ITGB1BP2: variants seen among roughly 807,000 people sequenced by gnomAD.
ITGB1BP2 encodes integrin subunit beta 1 binding protein 2, also known as integrin beta-1-binding protein 2.
ITGB1BP2 carries 27 observed loss-of-function variants against 32.2 expected under a neutral mutation model. The ratio of observed to expected loss-of-function variants is 0.84; its 90% CI spans 0.62 to 1.16. ITGB1BP2 has a LOEUF of 1.16. ITGB1BP2 is among the 50% of genes most tolerant of loss of function. The pLI is 0.00. For synonymous variants in ITGB1BP2, 105 were observed against 94.7 expected, an observed-to-expected ratio of 1.11 and a Z score of -0.63; for missense variants, 250 against 267.3, an observed-to-expected ratio of 0.94 and a Z score of 0.45.
intron 4 of ITGB1BP2, 41 bp downstream of exon 4, chrX:71,302,597 T>C: frequency 8.6e-7 from 1 of 1,156,455 alleles, no homozygotes; most frequent in Non-Finnish European, 1.2e-6. Context: ...TATTTTCATG[T>C]AGCTTCCTAG....
chrX:71,304,034 C>A, intron 8 of ITGB1BP2, 123 bp downstream of exon 8: 1 of 720,134 alleles, frequency 1.4e-6, no homozygotes, highest in African/African-American at 2.1e-5. Flanking sequence ...AAATAAGATT[C>A]TGCTCCTTAT....
At chrX:71,304,465 C>A in intron 9 of ITGB1BP2, 77 bp from the exon 10 acceptor site, 4 of 1,037,269 alleles carry the variant, frequency 3.9e-6, no homozygotes, top group Non-Finnish European at 5.4e-6. Context: ...GATCATACCT[C>A]TGACCTGGTT....
rs141038462 is a variant in ITGB1BP2 at position 71,304,973 on chromosome X, C to T, written c.825C>T (p.Asn275=). The T allele has an allele frequency of 4.1e-6, 5 of 1,206,883 alleles. No individual in the cohort carries two copies. The highest frequency in any genetic ancestry group is 3.0e-5 in the East Asian group (1 of 33,845). Reference sequence around the variant, plus strand: ...CCTTTGCTCCTCCTCAGGTCATAAACGTGGAGCAGAGCTCTGTCTTCTTGA... The same window carrying T: ...CCTTTGCTCCTCCTCAGGTCATAAATGTGGAGCAGAGCTCTGTCTTCTTGA... ...QAQMKLWGVI[N]VEQSSVFLMP... The change falls in exon 11 of 11, where the codon AAC becomes AAT. Residue 275 remains asparagine, a synonymous_variant. Transcript: ENST00000373829.
chrX:71,304,822 C>G (rs2031670431), intron 10 of ITGB1BP2, 143 bp from the exon 11 acceptor site: 6 of 501,182 alleles, frequency 1.2e-5, no homozygotes, highest in Non-Finnish European at 2.0e-5. Context: ...TCCTCTCTCT[C>G]CCTTATTGTC....
intron 9 of ITGB1BP2, 103 bp downstream of exon 9, chrX:71,304,403 A>G: frequency 1.2e-6 from 1 of 860,548 alleles, no homozygotes; most frequent in East Asian, 3.2e-5. Flanking sequence ...GCTCCATAGT[A>G]CCCTTAGAGG....
intron 8 of ITGB1BP2, 37 bp from the exon 9 acceptor site, chrX:71,304,150 T>A (rs2031659664): frequency 9.5e-7 from 1 of 1,057,961 alleles, no homozygotes; most frequent in Non-Finnish European, 1.3e-6. Context: ...AGTTAAGAAT[T>A]TATTCTTACC....
chrX:71,304,500 CCTT>C (rs2031665060), intron 9 of ITGB1BP2, 39 bp from the exon 10 acceptor site: 3 of 1,155,026 alleles, frequency 2.6e-6, no homozygotes, highest in Non-Finnish European at 3.5e-6. Flanking sequence ...CCTATTCTGA[CCTT>C]CTGGGTTTGT....
chrX:71,304,622 G>A lies in ITGB1BP2; in HGVS notation c.816+18G>A, dbSNP rs2031667402. The A allele has an allele frequency of 5.9e-6, 7 of 1,181,899 alleles. No homozygotes were observed. The highest frequency in any genetic ancestry group is 6.9e-6 in the Non-Finnish European group (6 of 872,100). ...TCTGGGGGGTAAGTGAAGACCAGGG[G>A]ACACAAGAGTGGGAGGCAGATGGGT... is the stretch of plus-strand genomic sequence containing the variant. On this transcript the variant is annotated intron_variant, in intron 10 of 10. Coordinates refer to ENST00000373829, the MANE Select transcript of ITGB1BP2 (RefSeq NM_012278.4).
Position 71,303,622 on chromosome X carries a change from C to T in ITGB1BP2, c.469-5C>T, listed in dbSNP as rs1363517517. Reference sequence around the variant, plus strand: ...AATGACCTGGTTCTACTTTATCCTTCTTAGGTTTACCAAGGCCCTGAGAGT... The same window carrying T: ...AATGACCTGGTTCTACTTTATCCTTTTTAGGTTTACCAAGGCCCTGAGAGT... On this transcript the variant is annotated splice_polypyrimidine_tract_variant and splice_region_variant and intron_variant, in intron 6 of 10. Transcript: ENST00000373829. 2 of 1,209,997 alleles carry T rather than the reference C, an allele frequency of 1.7e-6. No individual in the cohort carries two copies. The highest frequency in any genetic ancestry group is 3.5e-5 in the South Asian group (2 of 56,902).
rs1322044357 is a variant in ITGB1BP2 at position 71,304,563 on chromosome X, G to A, written c.775G>A (p.Asp259Asn). The change falls in exon 10 of 11, where the codon GAT (aspartate) becomes AAT (asparagine). Residue 259 changes from aspartate (D) to asparagine (N), a missense_variant. Transcript: ENST00000373829. Reference sequence around the variant, plus strand: ...TCAGCTTCATGTCCACATTGTCTTTGATGGTAACCGTGTGTTCCAAGCACA... The same window carrying A: ...TCAGCTTCATGTCCACATTGTCTTTAATGGTAACCGTGTGTTCCAAGCACA... ...QTELHVHIVF[D>N]GNRVFQAQMK... The A allele has an allele frequency of 2.5e-6, 3 of 1,208,541 alleles. No homozygotes were observed. The highest frequency in any genetic ancestry group is 2.2e-5 in the Admixed American group (1 of 45,757).
chrX:71,304,573 G>A lies in ITGB1BP2; in HGVS notation c.785G>A (p.Arg262His), dbSNP rs752791241. 7.5e-6 allele frequency: 9 copies of A among 1,205,898 alleles called. No individual in the cohort carries two copies. Among genetic ancestry groups the A allele is most frequent in the South Asian group, 3.6e-5 (2 of 56,258 alleles). Reference protein sequence around the residue: ...LHVHIVFDGNRVFQAQMKLWG... With the variant: ...LHVHIVFDGNHVFQAQMKLWG... Reference sequence around the variant, plus strand: ...GTCCACATTGTCTTTGATGGTAACCGTGTGTTCCAAGCACAGATGAAGCTC... The same window carrying A: ...GTCCACATTGTCTTTGATGGTAACCATGTGTTCCAAGCACAGATGAAGCTC... The change falls in exon 10 of 11, where the codon CGT (arginine) becomes CAT (histidine). Residue 262 changes from arginine to histidine, a missense_variant. Transcript: ENST00000373829.
rs1602394720 is a variant in ITGB1BP2, at chrX:71,304,483, G to A, written c.754-59G>A. The A allele has an allele frequency of 1.1e-5, 12 of 1,096,955 alleles. No individual in the cohort carries two copies. The South Asian group carries it at 1.1e-4, about 10-fold the overall frequency. The allele number at this position is 1,096,955 out of a possible 1,213,427, so 90.4% of individuals were successfully genotyped here. On this transcript the variant is annotated intron_variant, in intron 9 of 10. Transcript: ENST00000373829. ...CATACCTCTGACCTGGTTATCTGTC[G>A]TAATGACCTATTCTGACCTTCTGGG...
intron 4 of ITGB1BP2, 29 bp downstream of exon 4, chrX:71,302,585 C>T: frequency 8.5e-7 from 1 of 1,176,791 alleles, no homozygotes. Flanking sequence ...CTGGACTTTT[C>T]TTATTTTCAT....
At chrX:71,304,001 G>A in intron 8 of ITGB1BP2, 90 bp downstream of exon 8, 1 of 818,179 alleles carries the variant, frequency 1.2e-6, no homozygotes, top group Non-Finnish European at 1.8e-6. Flanking sequence ...CAAGCTCCCT[G>A]TCTTCTCCCT....
At position 71,305,202 on chromosome X, in the gene ITGB1BP2, A is replaced by C; in HGVS notation, c.*10A>C. 8.6e-7 allele frequency: 1 copy of C among 1,156,633 alleles called. No homozygotes were observed. On this transcript the variant is annotated 3_prime_UTR_variant, in exon 11 of 11. Transcript: ENST00000373829. ...AGCAATGGGGGAATAGTGACACCAG[A>C]CAGTTGATGTCTAGATAGGACCTCA...
rs1181263017 is a variant in ITGB1BP2, at chrX:71,303,928, C to T, written c.639+17C>T. 4.3e-6 allele frequency: 5 copies of T among 1,156,476 alleles called. No individual in the cohort carries two copies. In the East Asian group the frequency reaches 1.5e-4, roughly 35 times the overall value. ...GGGAAGCAGGTAAGCCCCAGCTTTC[C>T]TGAACTCTTGATTAGAACCCAATCT... is the stretch of plus-strand genomic sequence containing the variant. On this transcript the variant is annotated intron_variant, in intron 8 of 10. Transcript: ENST00000373829.
At position 71,305,085 on chromosome X, in the gene ITGB1BP2, G is replaced by C; in HGVS notation, c.937G>C (p.Ala313Pro). The C allele has an allele frequency of 1.7e-6, 2 of 1,211,313 alleles. No individual in the cohort carries two copies. The highest frequency in any genetic ancestry group is 3.5e-5 in the South Asian group (2 of 56,880). Residue 313 changes from alanine (A) to proline (P), a missense_variant, in exon 11 of 11, where the codon GCT (alanine) becomes CCT (proline). Ala to Pro is a conservative substitution (Grantham distance 27). Coordinates refer to ENST00000373829, the MANE Select transcript of ITGB1BP2 (RefSeq NM_012278.4). ...LEHPDALAKK[A>P]RAGVVLEMDE... ...GCACCCTGATGCACTAGCTAAGAAG[G>C]CTAGGGCAGGGGTTGTGTTAGAGAT... is the stretch of plus-strand genomic sequence containing the variant.
intron 8 of ITGB1BP2, 132 bp from the exon 9 acceptor site, chrX:71,304,055 C>T (rs2031658232): frequency 1.4e-6 from 1 of 703,405 alleles, no homozygotes. Context: ...CCCTCAACAG[C>T]CCAGAGGTTT....
rs1175642556 is a variant in ITGB1BP2, at chrX:71,303,280, G to C, written c.336G>C (p.Lys112Asn). The C allele has an allele frequency of 1.2e-5, 14 of 1,211,347 alleles. No individual in the cohort carries two copies. Among genetic ancestry groups the C allele is most frequent in the Non-Finnish European group, 1.5e-5 (13 of 895,281 alleles). The change falls in exon 5 of 11, where the codon AAG (lysine) becomes AAC (asparagine). Residue 112 changes from lysine to asparagine, a missense_variant. Transcript: ENST00000373829. ...CCCCTAGGTCAGAGTTGCCTCTGAA[G>C]CTGCTGCCGCTAAATATATCCCAAG... ...RERPKSELPLKLLPLNISQAL... is the reference protein window; with the variant it reads ...RERPKSELPLNLLPLNISQAL...
Sources: gnomAD v4.1 joint callset for allele counts on GRCh38, gnomAD v4.1.1 for gene constraint, MANE v1.5 for transcripts, NCBI Gene and HGNC (gene_info 2026-07-23, HGNC 2026-07-21) for gene names.